The following NECAP2 variants were observed in gnomAD, a reference collection of about 807,000 sequenced individuals.
The protein encoded by NECAP2 is adaptin ear-binding coat-associated protein 2.
A neutral mutation model predicts 37.8 loss-of-function variants in NECAP2; 38 were observed. The observed-to-expected ratio is 1.01, with a 90% CI of 0.78 to 1.32. The LOEUF (loss-of-function observed/expected upper bound fraction) is 1.32, where lower values mean the gene tolerates loss of function less well. Among genes scored for constraint, NECAP2 ranks in the 40% most tolerant of loss-of-function variants. The probability of loss-of-function intolerance (pLI) is 0.00; values close to 1 mark genes in which losing one functional copy is unlikely to be tolerated. For missense variants in NECAP2, 316 were observed against 334.5 expected, an observed-to-expected ratio of 0.94 and a Z score of 0.43; for synonymous variants, 121 against 127.7, an observed-to-expected ratio of 0.95 and a Z score of 0.35.
At chr1:16,450,030 A>G (rs997449295) in intron 5 of NECAP2, 1 of 352,944 alleles carries the variant, frequency 2.8e-6, no homozygotes. Context: ...TGTTTTTTCA[A>G]GAAGCTTTGT....
At chr1:16,451,795 C>T (rs1200431770) in intron 5 of NECAP2, 43 bp from the exon 6 acceptor site, 2 of 1,611,118 alleles carry the variant, frequency 1.2e-6, no homozygotes, top group East Asian at 4.5e-5. Flanking sequence ...AGCATTGGGA[C>T]TCCAGCAGAA....
intron 5 of NECAP2, chr1:16,451,292 A>G (rs1402978916): frequency 6.5e-6 from 1 of 153,124 alleles, no homozygotes; most frequent in Non-Finnish European, 1.5e-5. Flanking sequence ...GATGATGGAC[A>G]TTTGGGTAGT....
intron 2 of NECAP2, among the ~76,000 whole-genome samples, chr1:16,446,064 C>T (rs560640788): frequency 4.1e-4 from 63 of 152,092 alleles, no homozygotes; most frequent in Admixed American, 7.8e-4. Flanking sequence ...CAAAATTAGC[C>T]GGGCGTGGTG....
chr1:16,442,506 C>T (rs940493994), intron 1 of NECAP2, among the ~76,000 whole-genome samples: 5 of 152,222 alleles, frequency 3.3e-5, no homozygotes, highest in South Asian at 4.1e-4. Context: ...AAGACAGCCG[C>T]GTCCAGGGTT....
Position 16,451,985 on chromosome 1 carries a change from C to G in NECAP2, c.637C>G (p.Leu213Val). The change falls in exon 6 of 8, where the codon CTC (leucine) becomes GTC (valine). Residue 213 changes from leucine to valine, a missense_variant. Physicochemically the swap from Leu to Val is conservative, Grantham distance 32. Coordinates refer to ENST00000337132, the MANE Select transcript of NECAP2 (RefSeq NM_018090.5). ...GGAGCAGTTGGCTGTGGGGGGATCC[C>G]TCGTCCAGCCAGCAGTTGCTCCCAG... Reference protein sequence around the residue: ...PGEQLAVGGSLVQPAVAPSSG... With the variant: ...PGEQLAVGGSVVQPAVAPSSG... 6.2e-7 allele frequency: 1 copy of G among 1,603,588 alleles called. No homozygotes were observed. The highest frequency in any genetic ancestry group is 8.5e-7 in the Non-Finnish European group (1 of 1,174,550).
chr1:16,447,803 G>C, intron 2 of NECAP2, 67 bp from the exon 3 acceptor site: 1 of 1,302,934 alleles, frequency 7.7e-7, no homozygotes, highest in South Asian at 1.2e-5. Context: ...AGGCCCAGTA[G>C]TGTGGTAGAA....
chr1:16,447,838 G>A (rs769823293), intron 2 of NECAP2, 32 bp from the exon 3 acceptor site: 3 of 1,584,416 alleles, frequency 1.9e-6, no homozygotes, highest in Non-Finnish European at 2.6e-6. Flanking sequence ...GGGGGCTCAG[G>A]GCTCAGCGCT....
chr1:16,455,434 T>G (rs1051595671), intron 6 of NECAP2: 3 of 200,680 alleles, frequency 1.5e-5, no homozygotes, highest in African/African-American at 6.8e-5. Context: ...TGGTGGACAT[T>G]CTCCGTTCAA....
intron 6 of NECAP2, 88 bp downstream of exon 6, chr1:16,452,103 C>G: frequency 7.5e-7 from 1 of 1,338,030 alleles, no homozygotes; most frequent in East Asian, 2.4e-5. Flanking sequence ...CCCCCCGTTA[C>G]ACACATGGAT....
intron 6 of NECAP2, 125 bp downstream of exon 6, chr1:16,452,140 A>G (rs2086854045): frequency 2.0e-6 from 2 of 1,016,372 alleles, no homozygotes; most frequent in Admixed American, 2.7e-5. Context: ...GTCCGTGTCA[A>G]AGAAGGCGGG....
At chr1:16,444,966 C>T (rs1459094481) in intron 2 of NECAP2, among the ~76,000 whole-genome samples, 2 of 152,154 alleles carry the variant, frequency 1.3e-5, no homozygotes, top group African/African-American at 4.8e-5. Flanking sequence ...GGATTACAGG[C>T]GCCCCCCCAC....
At chr1:16,452,554 G>A (rs2086860873) in intron 6 of NECAP2, among the ~76,000 whole-genome samples, 1 of 152,112 alleles carries the variant, frequency 6.6e-6, no homozygotes, top group African/African-American at 2.4e-5. Context: ...GTGTATTTAG[G>A]GAGATGGGTA....
chr1:16,456,014 G>GTT, intron 7 of NECAP2, 121 bp downstream of exon 7: 2 of 563,704 alleles, frequency 3.5e-6, no homozygotes, highest in South Asian at 2.7e-5. Flanking sequence ...TAATTTGGAT[G>GTT]TTTTCTTTTC....
At chr1:16,454,356 G>A (rs1019348710) in intron 6 of NECAP2, among the ~76,000 whole-genome samples, 3 of 143,640 alleles carry the variant, frequency 2.1e-5, no homozygotes, top group East Asian at 2.1e-4. Context: ...ACCGCACCTC[G>A]CCTACTTATT....
chr1:16,441,102 G>C lies in NECAP2; in HGVS notation c.92+249G>C, dbSNP rs1570249659. 8 of 527,168 alleles carry C rather than the reference G, an allele frequency of 1.5e-5. No individual in the cohort carries two copies. In the East Asian group the frequency reaches 2.1e-4, roughly 14 times the overall value. 32.7% of individuals were successfully genotyped at this position (527,168 alleles called of 1,614,324 possible). A position where few individuals can be genotyped will look rare whatever the true frequency, so the allele number is the denominator to read the frequency against. Reference sequence around the variant, plus strand: ...GCCGTATCTAGCGCTTAGGGACCCCGGTGGGCTGCCGGGTACCCTAAACTT... The same window carrying C: ...GCCGTATCTAGCGCTTAGGGACCCCCGTGGGCTGCCGGGTACCCTAAACTT... On this transcript the variant is annotated intron_variant, in intron 1 of 7. Transcript: ENST00000337132.
At chr1:16,448,876 T>C (rs2086801069) in intron 4 of NECAP2, among the ~76,000 whole-genome samples, 1 of 152,160 alleles carries the variant, frequency 6.6e-6, no homozygotes, top group Non-Finnish European at 1.5e-5. Context: ...ATTGTGGGCA[T>C]ATTTTGCTGA....
intron 6 of NECAP2, among the ~76,000 whole-genome samples, chr1:16,454,808 A>G (rs1238908221): frequency 6.6e-6 from 1 of 152,252 alleles, no homozygotes; most frequent in Non-Finnish European, 1.5e-5. Flanking sequence ...GGAACATTCT[A>G]AGTGCTCACT....
In NECAP2 at chr1:16,447,922, G is replaced by A. The variant is rs575174797; in HGVS notation, c.246G>A (p.Glu82=). The A allele has an allele frequency of 1.9e-6, 3 of 1,614,044 alleles. No individual in the cohort carries two copies. In the African/African-American group the frequency reaches 4.0e-5, roughly 22 times the overall value. ...PVDQFPGTAV[E]SVTDSSRYFV... is the part of the protein sequence containing the mutation. ...ATCAGTTTCCTGGCACAGCTGTGGA[G>A]AGTGTGACGGATTCCAGCAGGTACT... The change falls in exon 3 of 8, where the codon GAG becomes GAA. Residue 82 remains glutamate (E), a synonymous_variant. Coordinates refer to ENST00000337132, the MANE Select transcript of NECAP2 (RefSeq NM_018090.5).
At chr1:16,455,576 C>G in intron 6 of NECAP2, 1 of 510,616 alleles carries the variant, frequency 2.0e-6, no homozygotes, top group Non-Finnish European at 3.5e-6. Context: ...CTCGTTCCAC[C>G]TTGTATGTGG....
Sources: allele counts gnomAD v4.1 joint callset (sites outside exome capture counted in the v4.1 genomes callset), GRCh38; gene constraint gnomAD v4.1.1; transcripts MANE v1.5; gene names NCBI Gene and HGNC (gene_info 2026-07-23, HGNC 2026-07-21).